The following RFTN2 variants were observed in gnomAD, a reference collection of about 807,000 sequenced individuals.
RFTN2 encodes the protein raftlin-2.
Under a neutral mutation model 52.7 loss-of-function variants are expected in RFTN2, and 34 were observed. The observed-to-expected ratio is 0.64, with a 90% CI of 0.49 to 0.86. RFTN2 has a LOEUF of 0.86. Among genes scored for constraint, RFTN2 ranks in the 40% least tolerant of loss-of-function variants. The pLI is 0.00. For synonymous variants in RFTN2, 203 were observed against 217.7 expected (o/e 0.93, Z 0.59); for missense variants, 536 against 600.1 (o/e 0.89, Z 1.12).
rs114635081 is a variant in RFTN2, at chr2:197,593,540, C to T, written c.1233+2451G>A. On this transcript the variant is annotated intron_variant, in intron 8 of 8. Transcript: ENST00000295049. ...CTCAGTAAATCAAAACCCCATGAGG[C>T]TGTGAATTCTGATGATTTTTTCCTA... Among the ~76,000 whole-genome samples, 672 of 150,968 alleles carry T rather than the reference C, an allele frequency of 4.5e-3. 6 individuals are homozygous for T. The highest frequency in any genetic ancestry group is 0.015 in the African/African-American group (639 of 41,406).
At chr2:197,592,017 C>T (rs995555964) in intron 8 of RFTN2, among the ~76,000 whole-genome samples, 4 of 152,154 alleles carry the variant, frequency 2.6e-5, no homozygotes, top group Non-Finnish European at 4.4e-5. Context: ...GGTGCAGCGG[C>T]GGGCTGAAGG....
chr2:197,591,970 G>A (rs1423817667), intron 8 of RFTN2, among the ~76,000 whole-genome samples: 5 of 151,398 alleles, frequency 3.3e-5, no homozygotes, highest in African/African-American at 1.2e-4. Context: ...CGAGGGAGCC[G>A]GCTCTGGCCT....
Position 197,571,439 on chromosome 2 carries a change from AT to A in RFTN2, c.*568del, listed in dbSNP as rs1157699828. ...TTAAAAGCAAAGATACATAAAAAAG[AT>A]TTTTTTCAAAAAATATTTTAACACA... On this transcript the variant is annotated 3_prime_UTR_variant, in exon 9 of 9. Transcript: ENST00000295049. 1.3e-5 allele frequency: 2 copies of A among 153,512 alleles called. No individual in the cohort carries two copies. Among genetic ancestry groups the A allele is most frequent in the African/African-American group, 4.8e-5 (2 of 41,414 alleles). The allele number at this position is 153,512 out of a possible 1,614,324, so 9.5% of individuals were successfully genotyped here. A position where few individuals can be genotyped will look rare whatever the true frequency, so the allele number is the denominator to read the frequency against.
Position 197,569,555 on chromosome 2 carries a change from A to C in RFTN2, c.*2453T>G, listed in dbSNP as rs531219516. On this transcript the variant is annotated 3_prime_UTR_variant, in exon 9 of 9. Transcript: ENST00000295049. ...CAGACTAGTAAGTTTATTTTAATAA[A>C]AGTTATTTTAATAAGAAATAACTCA... 3 of 152,344 alleles carry C rather than the reference A, an allele frequency of 2.0e-5. No homozygotes were observed. The South Asian group carries it at 6.2e-4, about 32-fold the overall frequency. The allele number at this position is 152,344 out of a possible 1,614,324, so 9.4% of individuals were successfully genotyped here. A position where few individuals can be genotyped will look rare whatever the true frequency, so the allele number is the denominator to read the frequency against.
At chr2:197,642,504 G>A (rs2088689099) in intron 3 of RFTN2, among the ~76,000 whole-genome samples, 1 of 152,140 alleles carries the variant, frequency 6.6e-6, no homozygotes, top group East Asian at 1.9e-4. Flanking sequence ...CAATATAGTT[G>A]TCATGTTTAA....
At chr2:197,595,719 GGACA>G (rs1218564641) in intron 8 of RFTN2, among the ~76,000 whole-genome samples, 1 of 152,202 alleles carries the variant, frequency 6.6e-6, no homozygotes, top group Non-Finnish European at 1.5e-5. Context: ...GAAAGGTGGA[GGACA>G]GAGAGTTCCT....
chr2:197,641,341 T>G (rs1304925051), intron 3 of RFTN2, among the ~76,000 whole-genome samples: 1 of 152,224 alleles, frequency 6.6e-6, no homozygotes, highest in Non-Finnish European at 1.5e-5. Context: ...TCCTATGAAT[T>G]AACATATTGA....
chr2:197,641,051 T>G (rs1039325747), intron 3 of RFTN2, among the ~76,000 whole-genome samples: 1 of 152,262 alleles, frequency 6.6e-6, no homozygotes, highest in Non-Finnish European at 1.5e-5. Context: ...ATGGCTACTG[T>G]TTTAAACATT....
At chr2:197,586,093 A>G (rs916108759) in intron 8 of RFTN2, among the ~76,000 whole-genome samples, 4 of 152,236 alleles carry the variant, frequency 2.6e-5, no homozygotes, top group Non-Finnish European at 4.4e-5. Context: ...CCCTCTATCA[A>G]TACGGGCAAA....
chr2:197,673,442 GA>G (rs2089173939), intron 1 of RFTN2, among the ~76,000 whole-genome samples: 1 of 152,134 alleles, frequency 6.6e-6, no homozygotes, highest in African/African-American at 2.4e-5. Context: ...CAGAAACAAA[GA>G]AAAAACTAAA....
intron 7 of RFTN2, among the ~76,000 whole-genome samples, chr2:197,605,515 G>A (rs1474733860): frequency 2.0e-5 from 3 of 152,090 alleles, no homozygotes; most frequent in Non-Finnish European, 4.4e-5. Context: ...GCGCCTGGCC[G>A]AATTTGTTGG....
Position 197,663,206 on chromosome 2 carries a change from G to A in RFTN2, c.139+12114C>T, listed in dbSNP as rs547940627. 7.4e-4 allele frequency among the ~76,000 whole-genome samples: 113 copies of A among 152,246 alleles called. 1 individual carries two copies. The highest frequency in any genetic ancestry group is 2.6e-3 in the African/African-American group (110 of 41,536). ...GGTATAAATTCCATTTGATGATGGT[G>A]TATTATCTTTTTGATGTGCTATTGA... On this transcript the variant is annotated intron_variant, in intron 1 of 8. Coordinates refer to ENST00000295049, the MANE Select transcript of RFTN2 (RefSeq NM_144629.3).
At chr2:197,578,255 A>G (rs945469474) in intron 8 of RFTN2, among the ~76,000 whole-genome samples, 9 of 152,274 alleles carry the variant, frequency 5.9e-5, no homozygotes, top group African/African-American at 2.2e-4. Flanking sequence ...TAAGACATTC[A>G]TAGTAATTCA....
intron 8 of RFTN2, among the ~76,000 whole-genome samples, chr2:197,586,078 A>G (rs1399413913): frequency 6.6e-6 from 1 of 152,228 alleles, no homozygotes; most frequent in African/African-American, 2.4e-5. Flanking sequence ...CGTATTACAG[A>G]TAAGCCCTCT....
intron 5 of RFTN2, among the ~76,000 whole-genome samples, chr2:197,629,010 G>C (rs1245182145): frequency 2.0e-5 from 3 of 152,200 alleles, no homozygotes. Context: ...CCGTAAACTA[G>C]TTCAACCATT....
At chr2:197,662,167 G>A (rs532263051) in intron 1 of RFTN2, among the ~76,000 whole-genome samples, 10 of 152,168 alleles carry the variant, frequency 6.6e-5, no homozygotes, top group African/African-American at 2.4e-4. Flanking sequence ...TATTTTAGGT[G>A]CCTGTGCTTT....
At chr2:197,598,967 T>G (rs115729683) in intron 7 of RFTN2, among the ~76,000 whole-genome samples, 5,482 of 152,158 alleles carry the variant, frequency 0.036, 178 homozygotes, top group Admixed American at 0.086. Flanking sequence ...TCTTTTTTTT[T>G]TTTTGACGGA....
chr2:197,611,097 G>C (rs2106205267), intron 7 of RFTN2, among the ~76,000 whole-genome samples: 1 of 152,286 alleles, frequency 6.6e-6, no homozygotes, highest in Admixed American at 6.5e-5. Flanking sequence ...GTCTCTGCCA[G>C]GTTTTGGTAT....
In RFTN2 at chr2:197,589,967, C is replaced by T. The variant is rs551145186; in HGVS notation, c.1233+6024G>A. Among the ~76,000 whole-genome samples, 49 of 152,186 alleles carry T rather than the reference C, an allele frequency of 3.2e-4. No individual in the cohort carries two copies. In the South Asian group the frequency reaches 4.4e-3, roughly 14 times the overall value. Reference sequence around the variant, plus strand: ...TGTTGCTCAGGCTGGAGTACAGTGGCGCGATCATGGCTCACAATAGCCTCC... The same window carrying T: ...TGTTGCTCAGGCTGGAGTACAGTGGTGCGATCATGGCTCACAATAGCCTCC... On this transcript the variant is annotated intron_variant, in intron 8 of 8. Coordinates refer to ENST00000295049, the MANE Select transcript of RFTN2 (RefSeq NM_144629.3).
Sources: allele counts gnomAD v4.1 joint callset (sites outside exome capture counted in the v4.1 genomes callset), GRCh38; gene constraint gnomAD v4.1.1; transcripts MANE v1.5; gene names NCBI Gene and HGNC (gene_info 2026-07-23, HGNC 2026-07-21).